The following WIPF1 variants were observed in gnomAD, a reference collection of about 807,000 sequenced individuals.
The protein encoded by WIPF1 is WAS/WASL interacting protein family member 1.
In WIPF1, 13 loss-of-function variants were observed where a neutral mutation model predicts 35.4. The observed-to-expected ratio is 0.37, with a 90% CI of 0.24 to 0.58. The LOEUF (loss-of-function observed/expected upper bound fraction) is 0.58. Ranked by LOEUF, WIPF1 falls within the 20% of genes least tolerant of loss-of-function variation. The pLI is 0.74. For missense variants in WIPF1, 591 were observed against 667.0 expected, an observed-to-expected ratio of 0.89 and a Z score of 1.25; for synonymous variants, 267 against 266.3, an observed-to-expected ratio of 1.00 and a Z score of -0.02.
chr2:174,600,366 C>T (rs1042204239), upstream of WIPF1, among the ~76,000 whole-genome samples: 7 of 152,166 alleles, frequency 4.6e-5, no homozygotes, highest in African/African-American at 1.7e-4. Context: ...CTGCTTAAAA[C>T]CCTCCAATGA....
intron 7 of WIPF1, chr2:174,566,801 G>A (rs892370163): frequency 1.5e-5 from 5 of 340,040 alleles, no homozygotes; most frequent in Non-Finnish European, 2.2e-5. Flanking sequence ...AGAGGAAGAC[G>A]TCCAAAGAAG....
At chr2:174,585,354 T>C (rs1410952283) in intron 2 of WIPF1, among the ~76,000 whole-genome samples, 169 bp downstream of exon 2, 1 of 152,204 alleles carries the variant, frequency 6.6e-6, no homozygotes, top group African/African-American at 2.4e-5. Flanking sequence ...TTCGTGTTGT[T>C]TGTATTTGCT....
chr2:174,621,544 G>A (rs1414066315), intron 1 of WIPF1, among the ~76,000 whole-genome samples: 1 of 151,222 alleles, frequency 6.6e-6, no homozygotes, highest in Non-Finnish European at 1.5e-5. Context: ...CCTCTTGTCT[G>A]TATATAGGTA....
intron 1 of WIPF1, among the ~76,000 whole-genome samples, chr2:174,612,461 T>G (rs748479113): frequency 1.3e-5 from 2 of 152,208 alleles, no homozygotes; most frequent in African/African-American, 4.8e-5. Flanking sequence ...TTGCATCCAA[T>G]TTCATTATTA....
At chr2:174,607,338 G>A (rs1466653205) in intron 1 of WIPF1, among the ~76,000 whole-genome samples, 3 of 152,060 alleles carry the variant, frequency 2.0e-5, no homozygotes, top group Non-Finnish European at 4.4e-5. Context: ...AGGAGGCGGA[G>A]GTTGCAGTGA....
In WIPF1 at chr2:174,567,753, G is replaced by C. The variant is rs921279221; in HGVS notation, c.1342+108C>G. 11 of 1,242,504 alleles carry C rather than the reference G, an allele frequency of 8.9e-6. No homozygotes were observed. In the African/African-American group the frequency reaches 1.2e-4, roughly 14 times the overall value. The allele number at this position is 1,242,504 out of a possible 1,614,324, so 77.0% of individuals were successfully genotyped here. On this transcript the variant is annotated intron_variant, in intron 6 of 7. Transcript: ENST00000679041. ...TAGTTAGATCAGTGCAATGGAGTGT[G>C]ATAATGATGGAACAAGAAATTAAAC...
chr2:174,655,896 C>A (rs896180280), intron 1 of WIPF1: 3 of 152,390 alleles, frequency 2.0e-5, no homozygotes, highest in Admixed American at 2.0e-4. Flanking sequence ...TGAAGAATGA[C>A]TATGTGGTAA....
chr2:174,615,011 GAAC>G (rs1686464547), intron 1 of WIPF1, among the ~76,000 whole-genome samples: 1 of 152,198 alleles, frequency 6.6e-6, no homozygotes, highest in African/African-American at 2.4e-5. Context: ...AAGCAATGGA[GAAC>G]AATAGCGACA....
intron 1 of WIPF1, among the ~76,000 whole-genome samples, chr2:174,591,711 C>T (rs1685618736): frequency 6.6e-6 from 1 of 151,516 alleles, no homozygotes; most frequent in African/African-American, 2.4e-5. Context: ...CACACCACCC[C>T]AACATTTAGA....
At chr2:174,669,529 C>A (rs1010358554) in intron 1 of WIPF1, among the ~76,000 whole-genome samples, 1 of 152,224 alleles carries the variant, frequency 6.6e-6, no homozygotes, top group African/African-American at 2.4e-5. Flanking sequence ...CTGCAATTAT[C>A]TGCTATCAAG....
intron 1 of WIPF1, among the ~76,000 whole-genome samples, chr2:174,636,249 T>C (rs913894282): frequency 2.0e-5 from 3 of 152,240 alleles, no homozygotes; most frequent in African/African-American, 7.2e-5. Flanking sequence ...TATGTTCTGC[T>C]TAAGCCGTGT....
chr2:174,647,345 T>C (rs1458931935), intron 1 of WIPF1, among the ~76,000 whole-genome samples: 3 of 151,552 alleles, frequency 2.0e-5, no homozygotes, highest in African/African-American at 7.3e-5. Flanking sequence ...ACCACTGTAC[T>C]CCAGCCTGGG....
intron 1 of WIPF1, chr2:174,625,742 G>A (rs1686812676): frequency 6.6e-6 from 1 of 152,180 alleles, no homozygotes; most frequent in African/African-American, 2.4e-5. Flanking sequence ...AAAATAAGAT[G>A]CTTTTTGCTT....
In WIPF1 at chr2:174,571,284, A is replaced by G. The variant is rs1487801541; in HGVS notation, c.1129+392T>C. On this transcript the variant is annotated intron_variant, in intron 5 of 7. Transcript: ENST00000679041. The surrounding 1 kb of genome is among the most constrained non-coding windows in gnomAD (Gnocchi z 4.6). ...TTGAAGAACTTCCCCTCTTGTTGGA[A>G]TAACAGAGCCCTCCTGCGGGAGGTG... 6.9e-6 allele frequency: 3 copies of G among 434,296 alleles called. No homozygotes were observed. Among genetic ancestry groups the G allele is most frequent in the African/African-American group, 6.1e-5 (3 of 49,464 alleles). 26.9% of individuals were successfully genotyped at this position (434,296 alleles called of 1,614,324 possible). A position where few individuals can be genotyped will look rare whatever the true frequency, so the allele number is the denominator to read the frequency against.
chr2:174,608,111 C>T (rs13024657), intron 1 of WIPF1, among the ~76,000 whole-genome samples: 16,822 of 152,210 alleles, frequency 0.11, 1,261 homozygotes, highest in Non-Finnish European at 0.16. Flanking sequence ...GATTTAACGA[C>T]TCTTTCTCAC....
At chr2:174,579,488 A>G (rs1685168174) in intron 3 of WIPF1, among the ~76,000 whole-genome samples, 1 of 152,138 alleles carries the variant, frequency 6.6e-6, no homozygotes, top group Admixed American at 6.5e-5. Context: ...AACAGATACA[A>G]AACTGTGGAT....
At chr2:174,595,107 AAAATATATAT>A (rs1685761933) in intron 1 of WIPF1, among the ~76,000 whole-genome samples, 2 of 37,874 alleles carry the variant, frequency 5.3e-5, no homozygotes, top group African/African-American at 9.8e-5. Context: ...AAAAAAAAAA[AAAATATATAT>A]ATATATATAT....
At chr2:174,595,110 ATATAT>A (rs147262966) in intron 1 of WIPF1, among the ~76,000 whole-genome samples, 2,431 of 30,474 alleles carry the variant, frequency 0.08, 270 homozygotes, top group Non-Finnish European at 0.087. Flanking sequence ...AAAAAAAAAA[ATATAT>A]ATATATATAT....
upstream of WIPF1, among the ~76,000 whole-genome samples, chr2:174,599,492 C>T (rs1559156914): frequency 2.0e-5 from 3 of 152,068 alleles, no homozygotes; most frequent in East Asian, 1.9e-4. Context: ...AGGCAGGGAC[C>T]GCCTCTTGTC....
Sources: gnomAD v4.1 joint callset for allele counts (sites outside exome capture counted in the v4.1 genomes callset) on GRCh38, gnomAD v4.1.1 for gene constraint, Gnocchi (gnomAD v3.1) non-coding constraint, MANE v1.5 for transcripts, NCBI Gene and HGNC (gene_info 2026-07-23, HGNC 2026-07-21) for gene names.